The following TMEM232 variants were observed in gnomAD, a reference collection of about 807,000 sequenced individuals.
TMEM232 encodes the protein transmembrane protein 232.
Under a neutral mutation model 78.8 loss-of-function variants are expected in TMEM232, and 80 were observed. The ratio of observed to expected loss-of-function variants is 1.01; its 90% CI spans 0.85 to 1.22. The LOEUF (loss-of-function observed/expected upper bound fraction) is 1.22, where lower values mean the gene tolerates loss of function less well. Ranked by LOEUF, TMEM232 falls within the 50% of genes most tolerant of loss-of-function variation. TMEM232 has a pLI of 0.00. For synonymous variants in TMEM232, 297 were observed against 254.3 expected, an observed-to-expected ratio of 1.17 and a Z score of -1.60; for missense variants, 881 against 742.2, an observed-to-expected ratio of 1.19 and a Z score of -2.17.
At chr5:110,638,807 A>G (rs894822641) in intron 4 of TMEM232, among the ~76,000 whole-genome samples, 4 of 152,198 alleles carry the variant, frequency 2.6e-5, no homozygotes, top group African/African-American at 9.6e-5. Context: ...AACACTATAC[A>G]GGCTAAATAA....
chr5:110,576,193 A>G (rs1425782426), intron 10 of TMEM232, among the ~76,000 whole-genome samples: 2 of 152,074 alleles, frequency 1.3e-5, no homozygotes, highest in South Asian at 4.1e-4. Flanking sequence ...AAGTCTCAGC[A>G]TGCAAAATCG....
At chr5:110,585,539 C>G (rs72771440) in intron 10 of TMEM232, among the ~76,000 whole-genome samples, 27,312 of 152,082 alleles carry the variant, frequency 0.18, 3,749 homozygotes, top group African/African-American at 0.38. Flanking sequence ...GCAAAATATG[C>G]CTTCTATTCA....
intron 12 of TMEM232, among the ~76,000 whole-genome samples, chr5:110,490,121 A>AAAAT (rs1764874782): frequency 9.1e-6 from 1 of 110,478 alleles, no homozygotes; most frequent in Non-Finnish European, 1.9e-5. Context: ...CTCCGTTTCA[A>AAAAT]AAAGAAAGAA....
intron 1 of TMEM232, among the ~76,000 whole-genome samples, chr5:110,723,905 T>C (rs1445264139): frequency 6.6e-6 from 1 of 152,178 alleles, no homozygotes; most frequent in African/African-American, 2.4e-5. Flanking sequence ...AGAATGGTGA[T>C]AGAGCAGTCA....
chr5:110,492,708 C>A (rs148432352), intron 12 of TMEM232, among the ~76,000 whole-genome samples: 1 of 151,912 alleles, frequency 6.6e-6, no homozygotes, highest in Non-Finnish European at 1.5e-5. Context: ...GGAAGAATAA[C>A]ACATTCTCAT....
chr5:110,665,741 C>T (rs1790478953), intron 2 of TMEM232, among the ~76,000 whole-genome samples: 1 of 151,922 alleles, frequency 6.6e-6, no homozygotes, highest in Non-Finnish European at 1.5e-5. Flanking sequence ...CTAATGCAGA[C>T]TTATACTATA....
At chr5:110,679,669 TG>T (rs1383700945) in intron 1 of TMEM232, among the ~76,000 whole-genome samples, 3 of 152,192 alleles carry the variant, frequency 2.0e-5, no homozygotes, top group Non-Finnish European at 2.9e-5. Flanking sequence ...CTAATATCTT[TG>T]TTTTGTTATG....
At chr5:110,535,207 A>T (rs1302906079) in intron 11 of TMEM232, among the ~76,000 whole-genome samples, 1 of 151,986 alleles carries the variant, frequency 6.6e-6, no homozygotes, top group Non-Finnish European at 1.5e-5. Flanking sequence ...TTAACTGATG[A>T]CATTCCACCA....
At chr5:110,432,998 G>A (rs1758030606) in intron 12 of TMEM232, among the ~76,000 whole-genome samples, 1 of 151,644 alleles carries the variant, frequency 6.6e-6, no homozygotes, top group Admixed American at 6.6e-5. Flanking sequence ...CTTACTTCTA[G>A]CCTTAAGAAA....
chr5:110,605,061 G>C (rs772381353), intron 10 of TMEM232, 48 bp downstream of exon 10: 2 of 1,461,542 alleles, frequency 1.4e-6, no homozygotes, highest in Non-Finnish European at 1.8e-6. Context: ...TATGTAGACA[G>C]TGACACTTAA....
At chr5:110,620,481 C>T (rs1425671794) in intron 7 of TMEM232, among the ~76,000 whole-genome samples, 1 of 152,134 alleles carries the variant, frequency 6.6e-6, no homozygotes, top group Non-Finnish European at 1.5e-5. Flanking sequence ...TAGACTCTTC[C>T]CAAGATCATC....
intron 11 of TMEM232, among the ~76,000 whole-genome samples, chr5:110,562,696 TC>T (rs1775892455): frequency 6.6e-6 from 1 of 152,088 alleles, no homozygotes; most frequent in Non-Finnish European, 1.5e-5. Flanking sequence ...CTTCTTTGCA[TC>T]TTGCACAGAA....
intron 12 of TMEM232, among the ~76,000 whole-genome samples, chr5:110,490,816 A>G (rs531963744): frequency 3.3e-4 from 50 of 152,254 alleles, no homozygotes; most frequent in African/African-American, 1.1e-3. Context: ...ATCATATCAG[A>G]AGTTAACTAA....
rs140189595 is a variant in TMEM232 at position 110,596,752 on chromosome 5, A to C, written c.1276+8357T>G. Among the ~76,000 whole-genome samples the C allele has an allele frequency of 1.4e-3, 218 of 152,356 alleles. 5 individuals carry two copies. In the East Asian group the frequency reaches 0.032, roughly 22 times the overall value. On this transcript the variant is annotated intron_variant, in intron 10 of 13. Coordinates refer to ENST00000455884, the MANE Select transcript of TMEM232 (RefSeq NM_001039763.4). Reference sequence around the variant, plus strand: ...TGTAATCCAGCATATAAACAGAGCCAAAGACAAAAACCACACGATTATCTC... The same window carrying C: ...TGTAATCCAGCATATAAACAGAGCCCAAGACAAAAACCACACGATTATCTC...
chr5:110,696,030 T>C (rs1383354791), intron 1 of TMEM232, among the ~76,000 whole-genome samples: 1 of 152,188 alleles, frequency 6.6e-6, no homozygotes, highest in Non-Finnish European at 1.5e-5. Context: ...ATATTCCTGA[T>C]GAACATTGAT....
At chr5:110,481,514 C>T (rs1357215829) in intron 12 of TMEM232, among the ~76,000 whole-genome samples, 1 of 152,002 alleles carries the variant, frequency 6.6e-6, no homozygotes, top group African/African-American at 2.4e-5. Flanking sequence ...AAAATAAGTA[C>T]CTCTCCCCTC....
intron 12 of TMEM232, among the ~76,000 whole-genome samples, chr5:110,479,918 A>T (rs1763679316): frequency 6.6e-6 from 1 of 151,814 alleles, no homozygotes; most frequent in Non-Finnish European, 1.5e-5. Flanking sequence ...ATACAATATA[A>T]TTTTTTTAAC....
intron 11 of TMEM232, among the ~76,000 whole-genome samples, chr5:110,540,698 C>T (rs958108191): frequency 1.1e-4 from 16 of 152,158 alleles, no homozygotes; most frequent in African/African-American, 3.6e-4. Flanking sequence ...CAGACACTGC[C>T]CCCTGGCACA....
intron 1 of TMEM232, among the ~76,000 whole-genome samples, chr5:110,696,573 T>A (rs1285662542): frequency 4.6e-5 from 7 of 152,090 alleles, no homozygotes; most frequent in Non-Finnish European, 1.0e-4. Flanking sequence ...CAGCCCAAAA[T>A]CTCCTTAAGC....
Sources: gnomAD v4.1 joint callset for allele counts (sites outside exome capture counted in the v4.1 genomes callset) on GRCh38, gnomAD v4.1.1 for gene constraint, MANE v1.5 for transcripts, NCBI Gene and HGNC (gene_info 2026-07-23, HGNC 2026-07-21) for gene names.